Variants in XYLT1 observed in about 807,000 individuals in gnomAD.
The protein encoded by XYLT1 is beta-D-xylosyltransferase 1.
Under a neutral mutation model 91.3 loss-of-function variants are expected in XYLT1, and 36 were observed. The observed-to-expected ratio is 0.39, with a 90% confidence interval of 0.30 to 0.52. XYLT1 has a LOEUF of 0.52. XYLT1 is among the 20% of genes least tolerant of loss of function. The pLI, the probability that XYLT1 is intolerant of heterozygous loss-of-function variation, is 0.68. For synonymous variants in XYLT1, 588 were observed against 532.0 expected, an observed-to-expected ratio of 1.11 and a Z score of -1.45; for missense variants, 1,242 against 1,284.5, an observed-to-expected ratio of 0.97 and a Z score of 0.51.
chr16:17,225,096 G>A (rs762584204), intron 3 of XYLT1, among the ~76,000 whole-genome samples: 7 of 152,020 alleles, frequency 4.6e-5, no homozygotes, highest in Non-Finnish European at 1.0e-4. Flanking sequence ...TCCAGGAAGA[G>A]TCATCTGATT....
At chr16:17,252,208 A>C (rs1198696509) in intron 3 of XYLT1, among the ~76,000 whole-genome samples, 1 of 152,148 alleles carries the variant, frequency 6.6e-6, no homozygotes, top group African/African-American at 2.4e-5. Flanking sequence ...TTTTATATGC[A>C]TTGTCTCATT....
chr16:17,134,618 G>A lies in XYLT1; in HGVS notation c.1882C>T (p.Arg628Cys), dbSNP rs760934796. The A allele has an allele frequency of 5.6e-6, 9 of 1,614,068 alleles. No individual in the cohort carries two copies. The highest frequency in any genetic ancestry group is 2.7e-5 in the African/African-American group (2 of 74,916). ...TCGTAGACATTCTCCCAGTAGGAGC[G>A]CAGGCCCGGGGTACCTGCAGGGTAG... Reference protein sequence around the residue: ...GNYPAGTPGLRSYWENVYDEP... With the variant: ...GNYPAGTPGLCSYWENVYDEP... Residue 628 changes from arginine to cysteine, a missense_variant, in exon 9 of 12, where the codon CGC becomes TGC. By Grantham distance (180) the Arg-to-Cys change is radical. Coordinates refer to ENST00000261381, the MANE Select transcript of XYLT1 (RefSeq NM_022166.4).
At chr16:17,119,221 G>C (rs1311428565) in intron 10 of XYLT1, among the ~76,000 whole-genome samples, 2 of 152,286 alleles carry the variant, frequency 1.3e-5, no homozygotes, top group East Asian at 3.9e-4. Context: ...TGAATGAATG[G>C]GTGAATGGCT....
chr16:17,423,562 C>T (rs2036275290), intron 1 of XYLT1, among the ~76,000 whole-genome samples: 1 of 152,124 alleles, frequency 6.6e-6, no homozygotes, highest in Non-Finnish European at 1.5e-5. Flanking sequence ...AACCTCACTC[C>T]CCTGGGCTTT....
At chr16:17,208,557 T>C (rs1417160254) in intron 3 of XYLT1, among the ~76,000 whole-genome samples, 2 of 152,230 alleles carry the variant, frequency 1.3e-5, no homozygotes, top group Non-Finnish European at 2.9e-5. Context: ...AGTAATTTTA[T>C]ACAATATTTT....
At chr16:17,302,647 A>G (rs1303221372) in intron 2 of XYLT1, among the ~76,000 whole-genome samples, 1 of 152,190 alleles carries the variant, frequency 6.6e-6, no homozygotes. Context: ...TGATGGTCCT[A>G]TGGTTGTGTT....
chr16:17,192,622 C>A (rs2032339667), intron 5 of XYLT1, among the ~76,000 whole-genome samples: 1 of 152,188 alleles, frequency 6.6e-6, no homozygotes. Context: ...GGGTACACAA[C>A]CAGCTCCAGC....
intron 1 of XYLT1, among the ~76,000 whole-genome samples, chr16:17,427,717 A>G (rs1048598303): frequency 2.6e-5 from 4 of 152,254 alleles, no homozygotes; most frequent in Admixed American, 1.3e-4. Flanking sequence ...TGTATTTAAA[A>G]GACTCACTGT....
At chr16:17,377,189 A>ACACACACACACACACACACCC (rs1312638576) in intron 1 of XYLT1, among the ~76,000 whole-genome samples, 1 of 152,106 alleles carries the variant, frequency 6.6e-6, no homozygotes, top group African/African-American at 2.4e-5. Flanking sequence ...ACACACACAC[A>ACACACACACACACACACACCC]AAATTAGGTA....
chr16:17,156,101 T>C (rs1031926499), intron 6 of XYLT1, among the ~76,000 whole-genome samples: 1 of 152,212 alleles, frequency 6.6e-6, no homozygotes, highest in African/African-American at 2.4e-5. Flanking sequence ...ATTAATATTT[T>C]CAAATATTAT....
chr16:17,250,157 T>C (rs750212619), intron 3 of XYLT1: 2 of 152,222 alleles, frequency 1.3e-5, no homozygotes, highest in East Asian at 1.9e-4. Context: ...AGACGCCCAA[T>C]TGATTTCCAG....
intron 2 of XYLT1, among the ~76,000 whole-genome samples, chr16:17,280,093 A>C (rs886808655): frequency 1.3e-5 from 2 of 152,208 alleles, no homozygotes; most frequent in African/African-American, 2.4e-5. Flanking sequence ...GCTCATGCCT[A>C]TAATCCCAGC....
chr16:17,282,584 G>A (rs1337525169), intron 2 of XYLT1, among the ~76,000 whole-genome samples: 1 of 152,220 alleles, frequency 6.6e-6, no homozygotes, highest in Admixed American at 6.5e-5. Flanking sequence ...AAGGGCACCG[G>A]CATTTCTGCC....
At chr16:17,126,537 C>T (rs1247842591) in intron 10 of XYLT1, among the ~76,000 whole-genome samples, 4 of 152,274 alleles carry the variant, frequency 2.6e-5, no homozygotes, top group East Asian at 3.9e-4. Context: ...TACATACATT[C>T]GTTAGGCAGG....
chr16:17,394,156 A>G (rs1367480692), intron 1 of XYLT1, among the ~76,000 whole-genome samples: 1 of 152,160 alleles, frequency 6.6e-6, no homozygotes, highest in Non-Finnish European at 1.5e-5. Flanking sequence ...TGAATCAGGT[A>G]TCAGGTTTTA....
chr16:17,114,572 G>T (rs190961651), intron 11 of XYLT1, among the ~76,000 whole-genome samples: 1 of 152,156 alleles, frequency 6.6e-6, no homozygotes, highest in South Asian at 2.1e-4. Context: ...AAAGTGGTTT[G>T]AGAGTTTTTC....
At chr16:17,114,095 T>G (rs921769465) in intron 11 of XYLT1, among the ~76,000 whole-genome samples, 3 of 152,064 alleles carry the variant, frequency 2.0e-5, no homozygotes, top group Admixed American at 1.3e-4. Flanking sequence ...GTTGGGAGGG[T>G]GGGCACCCCA....
At chr16:17,305,741 G>A (rs1210827575) in intron 2 of XYLT1, among the ~76,000 whole-genome samples, 1 of 152,008 alleles carries the variant, frequency 6.6e-6, no homozygotes, top group Non-Finnish European at 1.5e-5. Flanking sequence ...AGTATTGCTC[G>A]ACTAAGCATT....
At chr16:17,161,065 C>T (rs905752262) in intron 5 of XYLT1, among the ~76,000 whole-genome samples, 11 of 152,158 alleles carry the variant, frequency 7.2e-5, no homozygotes, top group Admixed American at 1.3e-4. Context: ...ATTGAAGGGG[C>T]CGGGCCGGGG....
Sources: allele counts gnomAD v4.1 joint callset (sites outside exome capture counted in the v4.1 genomes callset), GRCh38; gene constraint gnomAD v4.1.1; transcripts MANE v1.5; gene names NCBI Gene and HGNC (gene_info 2026-07-23, HGNC 2026-07-21).